The following LINGO2 variants were observed in gnomAD, a reference collection of about 807,000 sequenced individuals.
LINGO2 encodes the protein leucine rich repeat and Ig domain containing 2.
A neutral mutation model predicts 30.6 loss-of-function variants in LINGO2; 14 were observed. The observed-to-expected ratio is 0.46, with a 90% CI of 0.30 to 0.72. LINGO2 has a LOEUF of 0.72. LINGO2 is among the 30% of genes least tolerant of loss of function. LINGO2 has a pLI of 0.07. For missense variants in LINGO2, 729 were observed against 751.7 expected, an observed-to-expected ratio of 0.97 and a Z score of 0.35; for synonymous variants, 317 against 288.5, an observed-to-expected ratio of 1.10 and a Z score of -1.00.
chr9:28,671,828 T>C (rs536875319), upstream of LINGO2, among the ~76,000 whole-genome samples: 2 of 152,230 alleles, frequency 1.3e-5, no homozygotes, highest in East Asian at 3.9e-4. Context: ...TATAACTTTG[T>C]CAAGGCACAT....
the LINGO2 span, among the ~76,000 whole-genome samples, chr9:28,799,560 G>C: frequency 6.6e-6 from 1 of 152,114 alleles, no homozygotes; most frequent in African/African-American, 2.4e-5. Context: ...AGAACTGAGA[G>C]GAGAGAAATC....
At chr9:29,206,012 G>T in the LINGO2 span, among the ~76,000 whole-genome samples, 1 of 152,130 alleles carries the variant, frequency 6.6e-6, no homozygotes, top group African/African-American at 2.4e-5. Flanking sequence ...CTTTCAAGTA[G>T]CATATTGTTT....
intron 4 of LINGO2, among the ~76,000 whole-genome samples, chr9:28,067,442 A>C (rs959041999): frequency 5.9e-5 from 9 of 152,194 alleles, no homozygotes; most frequent in African/African-American, 1.9e-4. Flanking sequence ...ATTTAAAAAC[A>C]AAAAGTTCAG....
At chr9:29,112,230 T>G in the LINGO2 span, among the ~76,000 whole-genome samples, 1 of 152,110 alleles carries the variant, frequency 6.6e-6, no homozygotes, top group East Asian at 1.9e-4. Flanking sequence ...TTAAGAAGCT[T>G]GAGCATGCTA....
intron 1 of LINGO2, among the ~76,000 whole-genome samples, chr9:28,593,377 T>C (rs1285486937): frequency 1.3e-5 from 2 of 152,124 alleles, no homozygotes; most frequent in African/African-American, 2.4e-5. Context: ...ACTCTAGTTA[T>C]GTGTAGTAGA....
At chr9:28,250,285 G>A (rs1035864811) in intron 4 of LINGO2, among the ~76,000 whole-genome samples, 3 of 152,152 alleles carry the variant, frequency 2.0e-5, no homozygotes, top group Admixed American at 2.0e-4. Context: ...CCTTATTTCT[G>A]CCAAGTACAG....
chr9:28,171,682 G>A (rs1194453091), intron 4 of LINGO2, among the ~76,000 whole-genome samples: 2 of 152,030 alleles, frequency 1.3e-5, no homozygotes, highest in African/African-American at 4.8e-5. Flanking sequence ...TGGTCAAAAT[G>A]TGGGCCTCTG....
chr9:28,297,485 A>G (rs1340000913), intron 3 of LINGO2, among the ~76,000 whole-genome samples: 2 of 152,154 alleles, frequency 1.3e-5, no homozygotes, highest in Non-Finnish European at 2.9e-5. Flanking sequence ...ATTATCACTG[A>G]TTCTATTCTG....
chr9:29,139,165 A>G, the LINGO2 span, among the ~76,000 whole-genome samples: 3 of 152,242 alleles, frequency 2.0e-5, no homozygotes, highest in African/African-American at 7.2e-5. Context: ...TCAGCTCAAC[A>G]ACCCATGAAG....
At chr9:28,293,696 T>A (rs72709351) in intron 4 of LINGO2, among the ~76,000 whole-genome samples, 2,658 of 151,956 alleles carry the variant, frequency 0.017, 42 homozygotes, top group African/African-American at 0.041. Context: ...CCAAAAAAAA[T>A]TTTTTTTTAA....
the LINGO2 span, among the ~76,000 whole-genome samples, chr9:28,939,521 T>A: frequency 1.3e-5 from 2 of 152,152 alleles, no homozygotes; most frequent in African/African-American, 4.8e-5. Flanking sequence ...AAAATACTTA[T>A]TCTTCTAGAC....
chr9:28,258,037 C>A (rs2134033831), intron 4 of LINGO2, among the ~76,000 whole-genome samples: 1 of 152,042 alleles, frequency 6.6e-6, no homozygotes, highest in East Asian at 1.9e-4. Context: ...AAATTTTATT[C>A]TTTGTCCTCT....
At chr9:28,348,487 C>G (rs563646561) in intron 3 of LINGO2, among the ~76,000 whole-genome samples, 2 of 152,076 alleles carry the variant, frequency 1.3e-5, no homozygotes, top group South Asian at 2.1e-4. Context: ...GCACCTGGCT[C>G]GGAGGGTCCA....
chr9:28,132,583 T>G (rs1458887181), intron 4 of LINGO2, among the ~76,000 whole-genome samples: 2 of 152,194 alleles, frequency 1.3e-5, no homozygotes, highest in Non-Finnish European at 2.9e-5. Flanking sequence ...CAGGTAAAAA[T>G]TTTGAGGTAG....
chr9:28,425,534 C>T (rs537755567), intron 2 of LINGO2, among the ~76,000 whole-genome samples: 2 of 152,118 alleles, frequency 1.3e-5, no homozygotes, highest in South Asian at 4.1e-4. Flanking sequence ...CTGTGCTATG[C>T]TGCTGGCCTT....
intron 5 of LINGO2, among the ~76,000 whole-genome samples, chr9:28,000,844 A>T (rs1327156853): frequency 6.6e-6 from 1 of 152,212 alleles, no homozygotes; most frequent in African/African-American, 2.4e-5. Flanking sequence ...TCAAGTTGGG[A>T]GCCACTGTAC....
chr9:28,883,901 C>G, the LINGO2 span, among the ~76,000 whole-genome samples: 1 of 151,290 alleles, frequency 6.6e-6, no homozygotes, highest in Non-Finnish European at 1.5e-5. Flanking sequence ...TGGTCTCGAA[C>G]TCCTGACCTC....
chr9:28,664,468 A>T (rs1201711669), intron 1 of LINGO2, among the ~76,000 whole-genome samples: 2 of 152,108 alleles, frequency 1.3e-5, no homozygotes, highest in Admixed American at 1.3e-4. Context: ...GATGCCTTCA[A>T]GGGAAAAATA....
At chr9:28,226,687 GAAAGAAAGAA>G (rs1356004842) in intron 4 of LINGO2, among the ~76,000 whole-genome samples, 853 of 82,394 alleles carry the variant, frequency 0.01, 20 homozygotes, top group African/African-American at 0.042. Flanking sequence ...AAGAAAGAAA[GAAAGAAAGAA>G]AGAAAGAGAA....
Sources: allele counts gnomAD v4.1 joint callset (sites outside exome capture counted in the v4.1 genomes callset), GRCh38; gene constraint gnomAD v4.1.1; transcripts MANE v1.5; gene names NCBI Gene and HGNC (gene_info 2026-07-23, HGNC 2026-07-21).